Variants in FNIP2 observed in about 807,000 individuals in gnomAD.
FNIP2 encodes the protein folliculin interacting protein 2.
Under a neutral mutation model 108.7 loss-of-function variants are expected in FNIP2, and 32 were observed. The ratio of observed to expected loss-of-function variants is 0.29; its 90% CI spans 0.22 to 0.40. The LOEUF (loss-of-function observed/expected upper bound fraction) is 0.40. Among genes scored for constraint, FNIP2 ranks in the 10% least tolerant of loss-of-function variants. FNIP2 has a pLI of 1.00. For synonymous variants in FNIP2, 480 were observed against 496.7 expected (o/e 0.97, Z 0.45); for missense variants, 1,202 against 1,381.6 (o/e 0.87, Z 2.06).
chr4:158,773,484 T>C (rs553684347), intron 1 of FNIP2, among the ~76,000 whole-genome samples: 1 of 152,374 alleles, frequency 6.6e-6, no homozygotes, highest in African/African-American at 2.4e-5. Flanking sequence ...ATTTGTAAAG[T>C]GACAGCATCA....
At chr4:158,880,385 G>A (rs1781521701) in intron 14 of FNIP2, among the ~76,000 whole-genome samples, 1 of 152,096 alleles carries the variant, frequency 6.6e-6, no homozygotes, top group South Asian at 2.1e-4. Context: ...GGTGGGAATT[G>A]AACAATGAGA....
intron 14 of FNIP2, among the ~76,000 whole-genome samples, chr4:158,881,497 C>T (rs1781625755): frequency 6.7e-6 from 1 of 149,600 alleles, no homozygotes; most frequent in African/African-American, 2.5e-5. Flanking sequence ...CCCTCTGATG[C>T]TGAGCCGAAG....
chr4:158,824,590 A>G (rs1022384655), intron 1 of FNIP2, among the ~76,000 whole-genome samples: 2 of 151,996 alleles, frequency 1.3e-5, no homozygotes, highest in African/African-American at 4.8e-5. Flanking sequence ...AACTCTTATT[A>G]TGAATTCTGT....
At chr4:158,789,394 T>C (rs1212546150) in intron 1 of FNIP2, among the ~76,000 whole-genome samples, 1 of 152,340 alleles carries the variant, frequency 6.6e-6, no homozygotes, top group South Asian at 2.1e-4. Context: ...AGATACTATG[T>C]TATGAAGGAC....
intron 1 of FNIP2, among the ~76,000 whole-genome samples, chr4:158,821,292 ATTCT>A (rs1777871274): frequency 6.6e-6 from 1 of 152,264 alleles, no homozygotes; most frequent in African/African-American, 2.4e-5. Context: ...GACAGTGTTC[ATTCT>A]TTATGTTCAG....
At chr4:158,882,412 C>T (rs1369995822) in intron 14 of FNIP2, among the ~76,000 whole-genome samples, 7 of 144,150 alleles carry the variant, frequency 4.9e-5, no homozygotes, top group African/African-American at 7.8e-5. Context: ...CCACCCCGTC[C>T]GGGAGGTGGG....
chr4:158,901,287 G>A (rs185595461), intron 16 of FNIP2, among the ~76,000 whole-genome samples: 516 of 151,888 alleles, frequency 3.4e-3, no homozygotes, highest in African/African-American at 0.011. Context: ...CGTGTGCCAC[G>A]AAAATTCTTT....
rs142866250 is a variant in FNIP2 at position 158,897,531 on chromosome 4, G to A, written c.3266+1666G>A. On this transcript the variant is annotated intron_variant, in intron 16 of 16. Transcript: ENST00000264433. ...TTTTCCTGACTTTTTAGTGATTGCC[G>A]TTCTAACTGGTGTGAGATGGTATCT... 8.7e-3 allele frequency among the ~76,000 whole-genome samples: 1,320 copies of A among 152,060 alleles called. 15 individuals carry two copies. The highest frequency in any genetic ancestry group is 0.03 in the African/African-American group (1,228 of 41,502).
intron 8 of FNIP2, among the ~76,000 whole-genome samples, chr4:158,853,626 G>A (rs189792194): frequency 1.7e-4 from 26 of 152,242 alleles, no homozygotes; most frequent in African/African-American, 5.3e-4. Flanking sequence ...AACATGCGGT[G>A]TTTGGTTTTC....
At chr4:158,885,032 T>C (rs1375566921) in intron 14 of FNIP2, among the ~76,000 whole-genome samples, 1 of 151,210 alleles carries the variant, frequency 6.6e-6, no homozygotes, top group Non-Finnish European at 1.5e-5. Flanking sequence ...GGTGTGTGCC[T>C]GTAGTCCCAG....
chr4:158,890,333 A>G (rs1461593223), intron 14 of FNIP2: 4 of 985,164 alleles, frequency 4.1e-6, no homozygotes, highest in African/African-American at 3.5e-5. Context: ...GGTTTTTCCT[A>G]CTATTTTTCC....
chr4:158,804,441 T>TC (rs2126483933), intron 1 of FNIP2, among the ~76,000 whole-genome samples: 1 of 127,970 alleles, frequency 7.8e-6, no homozygotes, highest in African/African-American at 3.0e-5. Context: ...GGACACAGGG[T>TC]CTCTCTCTGT....
At chr4:158,836,446 G>A (rs533831942) in intron 7 of FNIP2, 5 of 151,980 alleles carry the variant, frequency 3.3e-5, no homozygotes, top group African/African-American at 4.8e-5. Context: ...GGTTAAAATC[G>A]ATGTGTTTTG....
chr4:158,779,530 G>A (rs1270451322), intron 1 of FNIP2, among the ~76,000 whole-genome samples: 1 of 151,044 alleles, frequency 6.6e-6, no homozygotes, highest in Non-Finnish European at 1.5e-5. Context: ...TTGACATTAT[G>A]GGGTGATGAG....
At chr4:158,839,755 A>C (rs182368297) in intron 7 of FNIP2, among the ~76,000 whole-genome samples, 1 of 151,926 alleles carries the variant, frequency 6.6e-6, no homozygotes, top group African/African-American at 2.4e-5. Flanking sequence ...ACATACCTCT[A>C]TCTGTGAGGG....
intron 7 of FNIP2, among the ~76,000 whole-genome samples, chr4:158,850,784 G>A (rs1160061356): frequency 6.6e-6 from 1 of 151,368 alleles, no homozygotes; most frequent in Admixed American, 6.6e-5. Context: ...TAAGCATTAT[G>A]TATGGCATTA....
chr4:158,815,305 G>A (rs1777497776), intron 1 of FNIP2, among the ~76,000 whole-genome samples: 2 of 151,972 alleles, frequency 1.3e-5, no homozygotes, highest in Non-Finnish European at 2.9e-5. Context: ...ATTACATGGT[G>A]CAGAGAAAGC....
intron 1 of FNIP2, among the ~76,000 whole-genome samples, chr4:158,798,666 T>C (rs1776666979): frequency 6.6e-6 from 1 of 152,260 alleles, no homozygotes; most frequent in Admixed American, 6.5e-5. Context: ...TTTAAGTCTT[T>C]AGATAGCACA....
intron 7 of FNIP2, among the ~76,000 whole-genome samples, chr4:158,842,593 G>A (rs1423145205): frequency 1.3e-5 from 2 of 152,104 alleles, no homozygotes; most frequent in African/African-American, 4.8e-5. Context: ...TGGTTACCAA[G>A]GTGGCTAGCA....
Sources: gnomAD v4.1 joint callset for allele counts (sites outside exome capture counted in the v4.1 genomes callset) on GRCh38, gnomAD v4.1.1 for gene constraint, MANE v1.5 for transcripts, NCBI Gene and HGNC (gene_info 2026-07-23, HGNC 2026-07-21) for gene names.